The following DLC1 variants were observed in gnomAD, a reference collection of about 807,000 sequenced individuals.
DLC1 encodes the protein DLC1 Rho GTPase activating protein, also known as rho GTPase-activating protein 7.
In DLC1, 54 loss-of-function variants were observed where a neutral mutation model predicts 140.3. The ratio of observed to expected loss-of-function variants is 0.38; its 90% CI spans 0.31 to 0.48. DLC1 has a LOEUF of 0.48. Ranked by LOEUF, DLC1 falls within the 20% of genes least tolerant of loss-of-function variation. The pLI, the probability that DLC1 is intolerant of heterozygous loss-of-function variation, is 0.96. For missense variants in DLC1, 2,536 were observed against 1,907.0 expected (o/e 1.33, Z -6.14); for synonymous variants, 986 against 728.1 (o/e 1.35, Z -5.70).
intron 2 of DLC1, among the ~76,000 whole-genome samples, chr8:13,431,259 G>C (rs1007359972): frequency 2.0e-5 from 3 of 151,848 alleles, no homozygotes; most frequent in African/African-American, 7.3e-5. Context: ...TGAGGCGGGC[G>C]GATCACGAGG....
chr8:13,398,070 G>T (rs1282374142), intron 3 of DLC1, among the ~76,000 whole-genome samples: 1 of 151,980 alleles, frequency 6.6e-6, no homozygotes, highest in Admixed American at 6.6e-5. Context: ...GGCAGAGGTT[G>T]CCGTGAGCCT....
intron 2 of DLC1, among the ~76,000 whole-genome samples, chr8:13,434,442 C>CAT (rs1433852616): frequency 2.0e-5 from 3 of 152,080 alleles, no homozygotes; most frequent in Non-Finnish European, 4.4e-5. Context: ...GCTGTAAAAA[C>CAT]GTGCAGGCAT....
At chr8:13,447,367 A>T (rs1054379186) in intron 2 of DLC1, among the ~76,000 whole-genome samples, 1 of 152,228 alleles carries the variant, frequency 6.6e-6, no homozygotes, top group Admixed American at 6.5e-5. Context: ...CTTTTGCGTG[A>T]CATTGAGTAA....
At chr8:13,494,987 A>T (rs988778549) in intron 2 of DLC1, among the ~76,000 whole-genome samples, 1 of 152,118 alleles carries the variant, frequency 6.6e-6, no homozygotes, top group Non-Finnish European at 1.5e-5. Flanking sequence ...CTGAGGGATA[A>T]ACTAAGACCC....
chr8:13,259,434 C>T (rs1830392974), intron 5 of DLC1, among the ~76,000 whole-genome samples: 1 of 152,096 alleles, frequency 6.6e-6, no homozygotes, highest in Non-Finnish European at 1.5e-5. Context: ...CCCTTAGGGC[C>T]TTGGAAGAGT....
chr8:13,422,934 TAA>T (rs954494957), intron 2 of DLC1, among the ~76,000 whole-genome samples: 2 of 151,892 alleles, frequency 1.3e-5, no homozygotes, highest in African/African-American at 4.8e-5. Flanking sequence ...TGAATTTGAG[TAA>T]AATGGAAGGA....
rs192617489 is a variant in DLC1, at chr8:13,574,510, G to A, written c.-126+30027C>T. On this transcript the variant is annotated intron_variant, in intron 1 of 1. Coordinates refer to the DLC1 transcript ENST00000631382. ...GTGAAATAGAAAGCTCATCAGATGA[G>A]GTGCTAAGAAGCCACATATTTTCCT... is the stretch of plus-strand genomic sequence containing the variant. Among the ~76,000 whole-genome samples, 164 of 152,094 alleles carry A rather than the reference G, an allele frequency of 1.1e-3. 1 individual carries two copies. The highest frequency in any genetic ancestry group is 4.2e-3 in the South Asian group (20 of 4,814).
chr8:13,103,605 G>A (rs898285007), intron 7 of DLC1, among the ~76,000 whole-genome samples: 5 of 151,910 alleles, frequency 3.3e-5, no homozygotes, highest in Admixed American at 6.6e-5. Flanking sequence ...TTGGGAGGCC[G>A]AGGCAGGCAG....
chr8:13,359,649 C>G (rs987552913), intron 4 of DLC1, among the ~76,000 whole-genome samples: 1 of 152,164 alleles, frequency 6.6e-6, no homozygotes, highest in South Asian at 2.1e-4. Flanking sequence ...TCCAAGAATG[C>G]TTCCAGTTAC....
At chr8:13,598,405 A>G (rs1383666643) in intron 1 of DLC1, among the ~76,000 whole-genome samples, 1 of 151,594 alleles carries the variant, frequency 6.6e-6, no homozygotes, top group Non-Finnish European at 1.5e-5. Context: ...AGGCTTTGTC[A>G]GTTTCATTGT....
At chr8:13,513,709 C>G (rs1802476045) in intron 1 of DLC1, among the ~76,000 whole-genome samples, 1 of 152,054 alleles carries the variant, frequency 6.6e-6, no homozygotes, top group Admixed American at 6.6e-5. Flanking sequence ...AACTTCTTTT[C>G]TAATATATTG....
chr8:13,189,886 A>G (rs931445319), intron 5 of DLC1, among the ~76,000 whole-genome samples: 2 of 23,382 alleles, frequency 8.6e-5, no homozygotes, highest in Non-Finnish European at 1.1e-4. Context: ...CCATCCCAGA[A>G]AAAAAAAAAG....
intron 2 of DLC1, among the ~76,000 whole-genome samples, chr8:13,413,256 A>AGTTTTTTTTTTTTTT (rs1491415150): frequency 1.2e-5 from 1 of 82,004 alleles, no homozygotes. Context: ...TTTTTTTGCG[A>AGTTTTTTTTTTTTTT]TTTTTTTTTT....
intron 5 of DLC1, among the ~76,000 whole-genome samples, chr8:13,140,927 A>G (rs912993120): frequency 5.3e-5 from 8 of 152,178 alleles, no homozygotes; most frequent in African/African-American, 1.7e-4. Context: ...CTAGTATCAC[A>G]TATAGATGCC....
At chr8:13,412,921 G>T (rs542634521) in intron 2 of DLC1, among the ~76,000 whole-genome samples, 1 of 109,502 alleles carries the variant, frequency 9.1e-6, no homozygotes, top group Non-Finnish European at 1.8e-5. Flanking sequence ...GACAGAGCGA[G>T]ACTCCATCTC....
intron 1 of DLC1, among the ~76,000 whole-genome samples, chr8:13,603,697 T>C (rs1396313041): frequency 6.6e-6 from 1 of 152,064 alleles, no homozygotes; most frequent in East Asian, 1.9e-4. Context: ...TGATTTTAAA[T>C]TAAAGATGAC....
intron 5 of DLC1, among the ~76,000 whole-genome samples, chr8:13,252,464 C>G (rs1430378292): frequency 6.6e-6 from 1 of 152,132 alleles, no homozygotes; most frequent in Admixed American, 6.6e-5. Flanking sequence ...ATAGGTGATA[C>G]AAAGACAACA....
intron 5 of DLC1, among the ~76,000 whole-genome samples, chr8:13,167,859 TAAAACA>T (rs1422805498): frequency 1.3e-5 from 2 of 152,216 alleles, no homozygotes; most frequent in African/African-American, 4.8e-5. Flanking sequence ...AACCGCAATT[TAAAACA>T]AAAACAAAAA....
At chr8:13,225,658 A>G (rs34092444) in intron 5 of DLC1, among the ~76,000 whole-genome samples, 8 of 146,922 alleles carry the variant, frequency 5.4e-5, no homozygotes, top group African/African-American at 2.0e-4. Context: ...CTCTGCTGCC[A>G]AGGCTGGAGT....
Sources: gnomAD v4.1 joint callset for allele counts (sites outside exome capture counted in the v4.1 genomes callset) on GRCh38, gnomAD v4.1.1 for gene constraint, MANE v1.5 for transcripts, NCBI Gene and HGNC (gene_info 2026-07-23, HGNC 2026-07-21) for gene names.